Variants in LINGO2 observed in about 807,000 individuals in gnomAD.
The protein encoded by LINGO2 is leucine rich repeat and Ig domain containing 2.
In LINGO2, 14 loss-of-function variants were observed where a neutral mutation model predicts 30.6. That is an observed-to-expected ratio of 0.46 (90% CI 0.30 to 0.72). The LOEUF is 0.72. Ranked by LOEUF, LINGO2 falls within the 30% of genes least tolerant of loss-of-function variation. The pLI is 0.07. For missense variants in LINGO2, 729 were observed against 751.7 expected (o/e 0.97, Z 0.35); for synonymous variants, 317 against 288.5 (o/e 1.10, Z -1.00).
chr9:28,848,317 TAGTGTATATATATACATATATAG>T, the LINGO2 span, among the ~76,000 whole-genome samples: 2 of 132,848 alleles, frequency 1.5e-5, no homozygotes, highest in Non-Finnish European at 3.2e-5. Flanking sequence ...TACGCATATA[TAGTGTATATATATACATATATAG>T]TGTATATATA....
chr9:27,962,015 C>T lies in LINGO2; in HGVS notation c.-35-11309G>A, dbSNP rs765077223. Among the ~76,000 whole-genome samples, 353 of 152,144 alleles carry T rather than the reference C, an allele frequency of 2.3e-3. 3 individuals are homozygous for T. Among genetic ancestry groups the T allele is most frequent in the Non-Finnish European group, 5.7e-4 (39 of 67,986 alleles). The stretch of plus-strand genomic sequence containing the variant: ...TCACTAGACCAAAATGTGTGGGGTG[C>T]CTGGGCAGATTAATGACTTTTCCAC... On this transcript the variant is annotated intron_variant, in intron 5 of 5. Transcript: ENST00000379992.
chr9:28,975,370 T>C, the LINGO2 span, among the ~76,000 whole-genome samples: 6 of 152,314 alleles, frequency 3.9e-5, no homozygotes, highest in South Asian at 1.2e-3. Flanking sequence ...AGATGGTTAA[T>C]GTAATATAAA....
chr9:28,701,940 G>A, the LINGO2 span, among the ~76,000 whole-genome samples: 1 of 151,826 alleles, frequency 6.6e-6, no homozygotes, highest in Non-Finnish European at 1.5e-5. Flanking sequence ...CTTCTTTAAT[G>A]CTGATATATG....
the LINGO2 span, among the ~76,000 whole-genome samples, chr9:28,683,834 C>G: frequency 6.6e-6 from 1 of 152,188 alleles, no homozygotes; most frequent in Non-Finnish European, 1.5e-5. Flanking sequence ...AACTGTGTGC[C>G]TAGCACATAG....
chr9:28,603,862 A>G lies in LINGO2; in HGVS notation c.-365+66338T>C, dbSNP rs1170988095. 2.0e-5 allele frequency among the ~76,000 whole-genome samples: 3 copies of G among 151,972 alleles called. No individual in the cohort carries two copies. The East Asian group carries it at 5.8e-4, about 29-fold the overall frequency. The stretch of plus-strand genomic sequence containing the variant: ...GCAAAGCTGCAGAATTCTGCTGTCC[A>G]TTTTTATTGAAGTATTGAATGTAAT... On this transcript the variant is annotated intron_variant, in intron 1 of 5. Transcript: ENST00000379992.
chr9:28,271,829 C>T (rs1266678630), intron 4 of LINGO2, among the ~76,000 whole-genome samples: 3 of 152,156 alleles, frequency 2.0e-5, no homozygotes, highest in Admixed American at 6.5e-5. Context: ...GTTTGGTTAG[C>T]ATCATTTCTG....
At chr9:28,453,579 A>G (rs1259002894) in intron 2 of LINGO2, among the ~76,000 whole-genome samples, 2 of 152,026 alleles carry the variant, frequency 1.3e-5, no homozygotes, top group African/African-American at 4.8e-5. Flanking sequence ...TAAGTTAAAA[A>G]GCTTTAAAAT....
intron 5 of LINGO2, among the ~76,000 whole-genome samples, chr9:27,957,992 C>G (rs979763376): frequency 1.3e-5 from 2 of 152,234 alleles, no homozygotes; most frequent in East Asian, 3.9e-4. Context: ...TGTACAATGT[C>G]AAATAGAAGT....
intron 1 of LINGO2, among the ~76,000 whole-genome samples, chr9:28,599,922 G>C (rs1293182867): frequency 6.6e-6 from 1 of 152,134 alleles, no homozygotes; most frequent in Non-Finnish European, 1.5e-5. Context: ...TTACTGTTTA[G>C]TGAATTGAAA....
At chr9:28,583,278 G>A (rs972256644) in intron 1 of LINGO2, among the ~76,000 whole-genome samples, 2 of 151,844 alleles carry the variant, frequency 1.3e-5, no homozygotes, top group South Asian at 2.1e-4. Flanking sequence ...ACATATTGCT[G>A]TTATAAGCAT....
chr9:28,427,091 ATC>A (rs1363194190), intron 2 of LINGO2, among the ~76,000 whole-genome samples: 17 of 152,102 alleles, frequency 1.1e-4, no homozygotes, highest in African/African-American at 3.9e-4. Context: ...CAAATAAATC[ATC>A]TGTTTCTCTC....
At chr9:28,529,682 T>G (rs1821158365) in intron 1 of LINGO2, among the ~76,000 whole-genome samples, 1 of 151,378 alleles carries the variant, frequency 6.6e-6, no homozygotes. Flanking sequence ...ACACAATGTC[T>G]GCCTTTAAAA....
chr9:28,173,563 C>T (rs2133673641), intron 4 of LINGO2, among the ~76,000 whole-genome samples: 1 of 152,252 alleles, frequency 6.6e-6, no homozygotes, highest in South Asian at 2.1e-4. Flanking sequence ...AAGTGCATCT[C>T]CATGGGAGAA....
At chr9:28,085,830 C>T (rs747828132) in intron 4 of LINGO2, among the ~76,000 whole-genome samples, 24 of 151,924 alleles carry the variant, frequency 1.6e-4, no homozygotes, top group African/African-American at 2.4e-4. Flanking sequence ...AAGAAAGGGA[C>T]GCTGGTGAGG....
chr9:28,154,302 A>G (rs1828076655), intron 4 of LINGO2, among the ~76,000 whole-genome samples: 2 of 152,206 alleles, frequency 1.3e-5, no homozygotes, highest in South Asian at 4.1e-4. Context: ...ATTGGGTCAT[A>G]ATATTAAGAC....
chr9:28,994,339 C>A, the LINGO2 span, among the ~76,000 whole-genome samples: 1 of 152,124 alleles, frequency 6.6e-6, no homozygotes, highest in South Asian at 2.1e-4. Context: ...TCAAGGACAA[C>A]TACAAACCAC....
the LINGO2 span, among the ~76,000 whole-genome samples, chr9:28,800,782 G>A: frequency 0.51 from 77,546 of 151,856 alleles, 20,542 homozygotes; most frequent in Middle Eastern, 0.66. Flanking sequence ...CTTACTCTAT[G>A]CATAGAGACA....
At chr9:28,039,236 A>G (rs1199878213) in intron 4 of LINGO2, among the ~76,000 whole-genome samples, 1 of 152,222 alleles carries the variant, frequency 6.6e-6, no homozygotes, top group Non-Finnish European at 1.5e-5. Context: ...TCCCAGAGGA[A>G]TAAGGCTGCA....
chr9:28,886,648 T>C, the LINGO2 span, among the ~76,000 whole-genome samples: 1 of 152,308 alleles, frequency 6.6e-6, no homozygotes, highest in African/African-American at 2.4e-5. Flanking sequence ...TGTTTGTTTT[T>C]GATTTCCCGC....
Sources: allele counts gnomAD v4.1 joint callset (sites outside exome capture counted in the v4.1 genomes callset), GRCh38; gene constraint gnomAD v4.1.1; transcripts MANE v1.5; gene names NCBI Gene and HGNC (gene_info 2026-07-23, HGNC 2026-07-21).